PRAG1: variants seen among roughly 807,000 people sequenced by gnomAD.
The protein encoded by PRAG1 is PEAK1 related, kinase-activating pseudokinase 1.
Under a neutral mutation model 95.6 loss-of-function variants are expected in PRAG1, and 110 were observed. The ratio of observed to expected loss-of-function variants is 1.15; its 90% CI spans 0.99 to 1.35. The LOEUF (loss-of-function observed/expected upper bound fraction) is 1.35. Among genes scored for constraint, PRAG1 ranks in the 40% most tolerant of loss-of-function variants. The pLI is 0.00. For synonymous variants in PRAG1, 1,052 were observed against 819.4 expected, an observed-to-expected ratio of 1.28 and a Z score of -4.85; for missense variants, 2,554 against 1,864.7, an observed-to-expected ratio of 1.37 and a Z score of -6.81.
chr8:8,350,998 G>A (rs1799502718), intron 3 of PRAG1, among the ~76,000 whole-genome samples: 1 of 152,108 alleles, frequency 6.6e-6, no homozygotes, highest in African/African-American at 2.4e-5. Context: ...GCAAACAGAG[G>A]ACTTCTGCAG....
chr8:8,384,732 G>A (rs1308529458), intron 1 of PRAG1, among the ~76,000 whole-genome samples: 1 of 151,560 alleles, frequency 6.6e-6, no homozygotes, highest in Non-Finnish European at 1.5e-5. Context: ...GCCTTGCCTC[G>A]CCTTGCCTGG....
intron 5 of PRAG1, among the ~76,000 whole-genome samples, chr8:8,321,293 C>G (rs1421335597): frequency 1.3e-5 from 2 of 152,168 alleles, no homozygotes; most frequent in African/African-American, 4.8e-5. Flanking sequence ...CCATGTTGCC[C>G]AGGCTGGTCT....
At chr8:8,333,401 C>T (rs1798883867) in intron 4 of PRAG1, among the ~76,000 whole-genome samples, 1 of 152,130 alleles carries the variant, frequency 6.6e-6, no homozygotes, top group African/African-American at 2.4e-5. Context: ...TAGTGAGAAG[C>T]TACATATCAC....
At chr8:8,374,561 C>T (rs1800317302) in intron 3 of PRAG1, 3 of 745,258 alleles carry the variant, frequency 4.0e-6, no homozygotes, top group Non-Finnish European at 4.9e-6. Context: ...CCTCTTAGGG[C>T]TGTTCTGAGG....
Position 8,377,016 on chromosome 8 carries a change from C to G in PRAG1, c.1393G>C (p.Asp465His), listed in dbSNP as rs771390718. 1.2e-6 allele frequency: 2 copies of G among 1,613,890 alleles called. No individual in the cohort carries two copies. Among genetic ancestry groups the G allele is most frequent in the South Asian group, 1.1e-5 (1 of 91,070 alleles). Residue 465 changes from aspartate (D) to histidine (H), a missense_variant, in exon 3 of 6, where the codon GAC (aspartate) becomes CAC (histidine). Transcript: ENST00000615670. ...AASGWGRDSP[D>H]PTPQVSATIT... is the part of the protein sequence containing the mutation. ...GTGGCTGACACCTGGGGAGTTGGGT[C>G]TGGGCTGTCCCGGCCCCAGCCAGAT... is the stretch of plus-strand genomic sequence containing the variant.
intron 1 of PRAG1, among the ~76,000 whole-genome samples, chr8:8,385,527 G>C (rs545632590): frequency 2.0e-5 from 3 of 152,308 alleles, no homozygotes; most frequent in Admixed American, 2.0e-4. Flanking sequence ...GTTAAGAATA[G>C]TTCAGGCCAG....
intron 3 of PRAG1, among the ~76,000 whole-genome samples, chr8:8,357,921 C>T (rs1398709136): frequency 6.6e-6 from 1 of 152,152 alleles, no homozygotes; most frequent in Non-Finnish European, 1.5e-5. Context: ...AGTTGTCCAC[C>T]CCAACACCAT....
At chr8:8,370,543 G>T (rs1800157751) in intron 3 of PRAG1, among the ~76,000 whole-genome samples, 1 of 152,178 alleles carries the variant, frequency 6.6e-6, no homozygotes, top group African/African-American at 2.4e-5. Flanking sequence ...TGCATCAAGA[G>T]TATGGGATTT....
rs955418099 is a variant in PRAG1 at position 8,378,638 on chromosome 8, T to A, written c.331-560A>T. ...ACTATGGTGGGCCGAGGAGGGCAGA[T>A]TGCTTGAGCCCAGGAGTTCAAGACG... On this transcript the variant is annotated intron_variant, in intron 2 of 5. Transcript: ENST00000615670. 1.3e-5 allele frequency among the ~76,000 whole-genome samples: 2 copies of A among 152,002 alleles called. 1 individual carries two copies. Among genetic ancestry groups the A allele is most frequent in the South Asian group, 4.1e-4 (2 of 4,822 alleles).
At chr8:8,360,629 T>A (rs1025305783) in intron 3 of PRAG1, among the ~76,000 whole-genome samples, 1 of 152,270 alleles carries the variant, frequency 6.6e-6, no homozygotes, top group African/African-American at 2.4e-5. Context: ...CTTAGCAATG[T>A]CTGGCCAACT....
At chr8:8,322,249 C>A (rs948534862) in intron 5 of PRAG1, among the ~76,000 whole-genome samples, 2 of 152,064 alleles carry the variant, frequency 1.3e-5, no homozygotes, top group Admixed American at 1.3e-4. Context: ...GGCACGATCT[C>A]GGCTCACTGC....
intron 3 of PRAG1, among the ~76,000 whole-genome samples, chr8:8,358,360 G>C (rs965378604): frequency 6.6e-6 from 1 of 152,134 alleles, no homozygotes; most frequent in Non-Finnish European, 1.5e-5. Context: ...TGTCCTCTTA[G>C]GTTTTTATGG....
chr8:8,341,221 A>T (rs562057153), intron 3 of PRAG1, among the ~76,000 whole-genome samples: 24 of 152,330 alleles, frequency 1.6e-4, no homozygotes, highest in African/African-American at 5.3e-4. Flanking sequence ...ATGGCTACAG[A>T]GCTGGCACAG....
chr8:8,348,487 A>T lies in PRAG1; in HGVS notation c.2163-8852T>A, dbSNP rs1390093604. 3.9e-5 allele frequency among the ~76,000 whole-genome samples: 6 copies of T among 152,156 alleles called. No individual in the cohort carries two copies. The South Asian group carries it at 1.0e-3, about 26-fold the overall frequency. ...CATTCCTAGGCTTCTGGTTTAGAAAACAAAGTATCATCATTTTGGTTAACA... is the reference window on the plus strand; with the variant it reads ...CATTCCTAGGCTTCTGGTTTAGAAATCAAAGTATCATCATTTTGGTTAACA... On this transcript the variant is annotated intron_variant, in intron 3 of 5. Transcript: ENST00000615670.
intron 3 of PRAG1, among the ~76,000 whole-genome samples, chr8:8,365,813 CAT>C (rs1000494270): frequency 6.7e-6 from 1 of 150,362 alleles, no homozygotes; most frequent in East Asian, 2.0e-4. Context: ...TATACACACA[CAT>C]ATATATATAC....
At chr8:8,331,009 A>G (rs553449387) in intron 4 of PRAG1, among the ~76,000 whole-genome samples, 1 of 152,328 alleles carries the variant, frequency 6.6e-6, no homozygotes, top group South Asian at 2.1e-4. Flanking sequence ...CATTCTGGGC[A>G]GCAGAAACCG....
At chr8:8,385,844 C>A (rs753886537) in intron 1 of PRAG1, among the ~76,000 whole-genome samples, 1 of 152,030 alleles carries the variant, frequency 6.6e-6, no homozygotes, top group Non-Finnish European at 1.5e-5. Flanking sequence ...CATCTCGTTG[C>A]CTCTGGAGCC....
chr8:8,347,273 C>A (rs971723056), intron 3 of PRAG1, among the ~76,000 whole-genome samples: 5 of 152,172 alleles, frequency 3.3e-5, no homozygotes, highest in Non-Finnish European at 7.4e-5. Flanking sequence ...GAAGAGCCAG[C>A]TTCAGAGGCA....
intron 5 of PRAG1, among the ~76,000 whole-genome samples, chr8:8,322,833 G>T (rs543284072): frequency 4.6e-4 from 70 of 152,028 alleles, no homozygotes; most frequent in South Asian, 1.2e-3. Flanking sequence ...AGCTCCCCCG[G>T]CCCCCTCAAC....
Sources: allele counts gnomAD v4.1 joint callset (sites outside exome capture counted in the v4.1 genomes callset), GRCh38; gene constraint gnomAD v4.1.1; transcripts MANE v1.5; gene names NCBI Gene and HGNC (gene_info 2026-07-23, HGNC 2026-07-21).